Variants in LCP2 observed in about 807,000 individuals in gnomAD.
LCP2 encodes lymphocyte cytosolic protein 2.
LCP2 carries 29 observed loss-of-function variants against 74.5 expected under a neutral mutation model. The observed-to-expected ratio is 0.39, with a 90% CI of 0.29 to 0.53. The LOEUF (loss-of-function observed/expected upper bound fraction) is 0.53. Ranked by LOEUF, LCP2 falls within the 20% of genes least tolerant of loss-of-function variation. LCP2 has a pLI of 0.72. For synonymous variants in LCP2, 228 were observed against 229.5 expected, an observed-to-expected ratio of 0.99 and a Z score of 0.06; for missense variants, 604 against 634.6, an observed-to-expected ratio of 0.95 and a Z score of 0.52.
At chr5:170,262,556 TC>T (rs1454820643) in intron 13 of LCP2, 78 bp downstream of exon 13, 2 of 1,060,828 alleles carry the variant, frequency 1.9e-6, no homozygotes, top group African/African-American at 3.2e-5. Context: ...GAGCCTCGGT[TC>T]CCACTGCAGA....
At chr5:170,262,304 G>A (rs989155217) in intron 13 of LCP2, among the ~76,000 whole-genome samples, 13 of 152,156 alleles carry the variant, frequency 8.5e-5, no homozygotes, top group African/African-American at 2.9e-4. Flanking sequence ...AAAATGGTGA[G>A]TACAGTTCCT....
intron 10 of LCP2, among the ~76,000 whole-genome samples, chr5:170,265,506 G>A (rs1334741004): frequency 2.0e-5 from 3 of 152,158 alleles, no homozygotes; most frequent in African/African-American, 7.2e-5. Context: ...AGGTGATTGC[G>A]AAGGATTTGA....
At chr5:170,276,924 A>G (rs1156802190) in intron 3 of LCP2, among the ~76,000 whole-genome samples, 2 of 151,950 alleles carry the variant, frequency 1.3e-5, no homozygotes, top group Admixed American at 1.3e-4. Flanking sequence ...AAAAATACAA[A>G]AAAAAGCTGG....
chr5:170,283,026 T>C (rs1762129855), intron 3 of LCP2, among the ~76,000 whole-genome samples: 1 of 152,234 alleles, frequency 6.6e-6, no homozygotes, highest in East Asian at 1.9e-4. Flanking sequence ...AGAGCTGGAA[T>C]TGGTCCTTGT....
At position 170,256,260 on chromosome 5, in the gene LCP2, A is replaced by G. The variant is rs534805706; in HGVS notation, c.1150+266T>C. 6.1e-4 allele frequency among the ~76,000 whole-genome samples: 93 copies of G among 152,188 alleles called. 1 individual carries two copies. The South Asian group carries it at 0.018, about 30-fold the overall frequency. On this transcript the variant is annotated intron_variant, in intron 17 of 20. Transcript: ENST00000046794. This position sits in a 1 kb window ranked among gnomAD's most constrained non-coding sequence, Gnocchi z 4.5. ...CACATGTATATATGTGTACATGTGT[A>G]TGCATGTGTGTGTGTGCATGTATAT... is the stretch of plus-strand genomic sequence containing the variant.
intron 10 of LCP2, among the ~76,000 whole-genome samples, chr5:170,264,991 T>C (rs1761724839): frequency 2.2e-5 from 1 of 44,732 alleles, no homozygotes; most frequent in South Asian, 1.0e-3. Context: ...TTTTTTTTTT[T>C]TTTTTTTTTT....
At chr5:170,259,931 A>G (rs1761622574) in intron 14 of LCP2, among the ~76,000 whole-genome samples, 1 of 152,198 alleles carries the variant, frequency 6.6e-6, no homozygotes, top group Non-Finnish European at 1.5e-5. Flanking sequence ...CAATCCTTCC[A>G]GAGACAGGGA....
chr5:170,280,090 C>A (rs1762074323), intron 3 of LCP2, among the ~76,000 whole-genome samples: 1 of 152,142 alleles, frequency 6.6e-6, no homozygotes, highest in Non-Finnish European at 1.5e-5. Flanking sequence ...TCTACTGTGG[C>A]ACGTGTAGCT....
At chr5:170,253,302 C>CA (rs141527769) in intron 17 of LCP2, 89 bp from the exon 18 acceptor site, 80,911 of 800,022 alleles carry the variant, frequency 0.1, 4,518 homozygotes, top group African/African-American at 0.11. Context: ...CCCACTCCCC[C>CA]AAAAAAATAC....
chr5:170,274,115 T>C (rs188190318), intron 6 of LCP2, 186 bp downstream of exon 6: 26 of 610,302 alleles, frequency 4.3e-5, no homozygotes, highest in Non-Finnish European at 1.2e-5. Context: ...AGACAGAGAG[T>C]GCATGGCTCC....
chr5:170,277,069 C>T (rs552708463), intron 3 of LCP2, among the ~76,000 whole-genome samples: 2 of 120,022 alleles, frequency 1.7e-5, no homozygotes, highest in South Asian at 6.1e-4. Flanking sequence ...AGGGAGACTC[C>T]ATCTTAAAAA....
At position 170,253,012 on chromosome 5, in the gene LCP2, AAAAC is replaced by A. The variant is rs1369637762; in HGVS notation, c.1245+103_1245+106del. 1.3e-5 allele frequency: 9 copies of A among 686,576 alleles called. No individual in the cohort carries two copies. In the Admixed American group the frequency reaches 2.8e-4, roughly 21 times the overall value. 42.5% of individuals were successfully genotyped at this position (686,576 alleles called of 1,614,324 possible). ...AACTTTTTTTTCAAATAAATAAAATAAAACAAAGGGAAGATAAAAGTACAGAAGA... is the reference window on the plus strand; with the variant it reads ...AACTTTTTTTTCAAATAAATAAAATAAAAGGGAAGATAAAAGTACAGAAGA... On this transcript the variant is annotated intron_variant, in intron 18 of 20. Transcript: ENST00000046794.
Position 170,258,097 on chromosome 5 carries a change from G to C in LCP2, c.1040C>G (p.Thr347Ser), listed in dbSNP as rs1475200577. 1 of 1,613,902 alleles carries C rather than the reference G, an allele frequency of 6.2e-7. No homozygotes were observed. The highest frequency in any genetic ancestry group is 8.5e-7 in the Non-Finnish European group (1 of 1,179,760). The part of the protein sequence containing the change: ...MSSNTFPSRS[T>S]KPSPMNPLPS... ...GAGAGGGTTCATGGGACTTGGCTTA[G>C]TAGATCTTGAAGGGAAAGTGTTGGA... The change falls in exon 16 of 21, where the codon ACT (threonine) becomes AGT (serine). Residue 347 changes from threonine to serine, a missense_variant. Transcript: ENST00000046794.
intron 10 of LCP2, among the ~76,000 whole-genome samples, chr5:170,263,689 C>T (rs914234513): frequency 2.6e-5 from 4 of 152,124 alleles, no homozygotes; most frequent in African/African-American, 7.2e-5. Flanking sequence ...TCTAAAGTCC[C>T]CTAGAATAAA....
chr5:170,248,851 C>T, intron 20 of LCP2, 32 bp from the exon 21 acceptor site: 2 of 1,606,230 alleles, frequency 1.2e-6, no homozygotes, highest in Non-Finnish European at 8.5e-7. Context: ...GATGAGTCAA[C>T]ATTGGAATGA....
At position 170,258,179 on chromosome 5, in the gene LCP2, A is replaced by C. The variant is rs1260748744; in HGVS notation, c.971-13T>G. The C allele has an allele frequency of 1.9e-6, 3 of 1,613,332 alleles. No homozygotes were observed. Among genetic ancestry groups the C allele is most frequent in the Admixed American group, 1.7e-5 (1 of 59,982 alleles). ...GGTCTCTGATGCACTGTGCAGAAGT[A>C]GAAAACAATGAATGAGATTGGCAGG... On this transcript the variant is annotated splice_polypyrimidine_tract_variant and intron_variant, in intron 15 of 20. Coordinates refer to ENST00000046794, the MANE Select transcript of LCP2 (RefSeq NM_005565.5).
Position 170,277,868 on chromosome 5 carries a change from G to A in LCP2, c.189-2008C>T, listed in dbSNP as rs555453020. 5.3e-5 allele frequency among the ~76,000 whole-genome samples: 8 copies of A among 152,154 alleles called. 1 individual carries two copies. In the South Asian group the frequency reaches 1.7e-3, roughly 32 times the overall value. Reference sequence around the variant, plus strand: ...AGGAAAGAGAAGGAGGAAGGGGAGGGAAAGGTTTACTCTCTGTAATAATAT... The same window carrying A: ...AGGAAAGAGAAGGAGGAAGGGGAGGAAAAGGTTTACTCTCTGTAATAATAT... On this transcript the variant is annotated intron_variant, in intron 3 of 20. Transcript: ENST00000046794.
At chr5:170,290,984 GAAAGAA>G (rs1561979096) in intron 2 of LCP2, among the ~76,000 whole-genome samples, 1,726 of 93,100 alleles carry the variant, frequency 0.019, 38 homozygotes, top group African/African-American at 0.067. Flanking sequence ...AAGAAAGAAA[GAAAGAA>G]AGAAAGAAAG....
At position 170,268,471 on chromosome 5, in the gene LCP2, A is replaced by AG. The variant is rs1761814157; in HGVS notation, c.534dup (p.Ser179LeufsTer73). The AG allele has an allele frequency of 5.4e-6, 1 of 186,538 alleles. No homozygotes were observed. Among genetic ancestry groups the AG allele is most frequent in the Non-Finnish European group, 9.8e-6 (1 of 102,270 alleles). 11.6% of individuals were successfully genotyped at this position (186,538 alleles called of 1,614,324 possible). Reference sequence around the variant, plus strand: ...GGAGGCTGCTGGGGGGTTTTCCCAGAGGGGGGCCGGTCTGTGGAAACACAA... The same window carrying AG: ...GGAGGCTGCTGGGGGGTTTTCCCAGAGGGGGGGCCGGTCTGTGGAAACACAA... On this transcript the variant is annotated frameshift_variant, in exon 8 of 21. Transcript: ENST00000046794. LOFTEE classifies it high-confidence loss of function.
Sources: allele counts gnomAD v4.1 joint callset (sites outside exome capture counted in the v4.1 genomes callset), GRCh38; gene constraint gnomAD v4.1.1; non-coding constraint Gnocchi (gnomAD v3.1); transcripts MANE v1.5; gene names NCBI Gene and HGNC (gene_info 2026-07-23, HGNC 2026-07-21).